Variants in COPG2 observed in about 807,000 individuals in gnomAD.
COPG2 encodes the protein coatomer subunit gamma-2.
COPG2 carries 37 observed loss-of-function variants against 46.3 expected under a neutral mutation model. The observed-to-expected ratio is 0.80, with a 90% CI of 0.61 to 1.05. The LOEUF (loss-of-function observed/expected upper bound fraction) is 1.05. Among genes scored for constraint, COPG2 ranks in the 50% least tolerant of loss-of-function variants. COPG2 has a pLI of 0.00. For synonymous variants in COPG2, 159 were observed against 129.7 expected (o/e 1.23, Z -1.53); for missense variants, 427 against 387.8 (o/e 1.10, Z -0.85).
At chr7:130,648,954 C>CT (rs1380383523) in intron 5 of COPG2, among the ~76,000 whole-genome samples, 1 of 152,184 alleles carries the variant, frequency 6.6e-6, no homozygotes, top group Non-Finnish European at 1.5e-5. Flanking sequence ...TTTGCCTCCT[C>CT]TTTGAGTCTT....
chr7:130,667,858 A>G (rs1295471420), intron 1 of COPG2, among the ~76,000 whole-genome samples: 3 of 152,100 alleles, frequency 2.0e-5, no homozygotes, highest in African/African-American at 7.2e-5. Flanking sequence ...GGTGCTTTTG[A>G]TTTCCTTAGG....
In COPG2 at chr7:130,585,912, A is replaced by T. The variant is rs570416682; in HGVS notation, c.738-21519T>A. Among the ~76,000 whole-genome samples, 5 of 152,216 alleles carry T rather than the reference A, an allele frequency of 3.3e-5. No individual in the cohort carries two copies. In the South Asian group the frequency reaches 1.0e-3, roughly 32 times the overall value. ...ACCACTATAGAAAAACAGTGTGGAG[A>T]TTCCTTAAAGAACTAAAAGTAGAAC... is the stretch of plus-strand genomic sequence containing the variant. On this transcript the variant is annotated intron_variant, in intron 9 of 23. Coordinates refer to ENST00000425248, the MANE Select transcript of COPG2 (RefSeq NM_012133.6).
intron 20 of COPG2, among the ~76,000 whole-genome samples, chr7:130,532,022 C>T (rs1799831118): frequency 1.3e-5 from 2 of 152,178 alleles, no homozygotes; most frequent in Admixed American, 6.5e-5. Flanking sequence ...GATAGGCCGC[C>T]TTGGGGTCCT....
intron 12 of COPG2, among the ~76,000 whole-genome samples, chr7:130,556,385 A>G (rs1378624068): frequency 6.6e-6 from 1 of 152,140 alleles, no homozygotes; most frequent in Non-Finnish European, 1.5e-5. Context: ...GGTAGCAGGA[A>G]ACAGAGGGCA....
intron 5 of COPG2, among the ~76,000 whole-genome samples, chr7:130,638,079 C>T (rs868945875): frequency 6.6e-6 from 1 of 152,182 alleles, no homozygotes; most frequent in Non-Finnish European, 1.5e-5. Context: ...AGATTGCCGC[C>T]TGTTCCTTCC....
intron 5 of COPG2, among the ~76,000 whole-genome samples, chr7:130,649,882 C>A (rs1795703204): frequency 6.6e-6 from 1 of 152,174 alleles, no homozygotes; most frequent in Admixed American, 6.5e-5. Flanking sequence ...TCTTCTATTG[C>A]TGCTGTAACA....
At chr7:130,663,730 CTTTTTTTTTTTTTTTTT>C (rs71178602) in intron 3 of COPG2, among the ~76,000 whole-genome samples, 1 of 67,148 alleles carries the variant, frequency 1.5e-5, no homozygotes, top group Non-Finnish European at 2.6e-5. Context: ...CATTTCTTTT[CTTTTTTTTTTTTTTTTT>C]TTTTTTTTTG....
chr7:130,639,986 G>A (rs1378425382), intron 5 of COPG2, among the ~76,000 whole-genome samples: 1 of 152,072 alleles, frequency 6.6e-6, no homozygotes, highest in Non-Finnish European at 1.5e-5. Context: ...CCTTTTCTCA[G>A]TGGTAGGTTT....
chr7:130,633,610 T>C (rs1225168620), intron 5 of COPG2, among the ~76,000 whole-genome samples: 2 of 152,230 alleles, frequency 1.3e-5, no homozygotes, highest in African/African-American at 4.8e-5. Context: ...TGGTAGATTC[T>C]AGATATCAGC....
chr7:130,527,431 T>C (rs934921769), intron 20 of COPG2, among the ~76,000 whole-genome samples: 202 of 126,760 alleles, frequency 1.6e-3, no homozygotes, highest in African/African-American at 2.7e-3. Flanking sequence ...TCAAGGTGGC[T>C]GTCCACAGCA....
At chr7:130,513,303 AAAAAAATATATATATATATATATATAT>A (rs1159447178) in intron 20 of COPG2, among the ~76,000 whole-genome samples, 1 of 46,750 alleles carries the variant, frequency 2.1e-5, no homozygotes, top group African/African-American at 8.8e-5. Context: ...AAAAAAAAAA[AAAAAAATATATATATATATATATATAT>A]ATATATATAT....
In COPG2 at chr7:130,618,934, T is replaced by C. The variant is rs1794993416; in HGVS notation, c.324-1869A>G. ...CTTCCTTTCAGTAGTGTTTGCCTTA[T>C]ATGCTTTCACCCCTCCTTTTATATT... On this transcript the variant is annotated intron_variant, in intron 5 of 23. Transcript: ENST00000425248. Among the ~76,000 whole-genome samples the C allele has an allele frequency of 3.3e-5, 5 of 152,330 alleles. 1 individual carries two copies. The South Asian group carries it at 1.0e-3, about 32-fold the overall frequency.
intron 5 of COPG2, among the ~76,000 whole-genome samples, chr7:130,640,580 T>C (rs75739316): frequency 0.044 from 6,687 of 152,252 alleles, 260 homozygotes; most frequent in African/African-American, 0.1. Flanking sequence ...GAAGGAAGTT[T>C]TGAGACGTGG....
intron 9 of COPG2, among the ~76,000 whole-genome samples, chr7:130,609,234 C>T (rs1375799097): frequency 6.6e-6 from 1 of 152,046 alleles, no homozygotes; most frequent in Non-Finnish European, 1.5e-5. Context: ...GCCTGTGTCC[C>T]CACCCAAATC....
chr7:130,577,194 C>T (rs1413481931), intron 9 of COPG2, among the ~76,000 whole-genome samples: 4 of 152,204 alleles, frequency 2.6e-5, no homozygotes, highest in Admixed American at 2.0e-4. Flanking sequence ...GAACAGCTCC[C>T]GTCTACAGCT....
chr7:130,611,134 A>G (rs1554452033), intron 8 of COPG2, 24 bp from the exon 9 acceptor site: 3 of 1,596,888 alleles, frequency 1.9e-6, no homozygotes, highest in Non-Finnish European at 2.6e-6. Flanking sequence ...AAAAGAAGGT[A>G]GCACATGGAT....
At chr7:130,624,926 C>T (rs1478363636) in intron 5 of COPG2, among the ~76,000 whole-genome samples, 1 of 152,114 alleles carries the variant, frequency 6.6e-6, no homozygotes, top group African/African-American at 2.4e-5. Flanking sequence ...CGAGTAGATA[C>T]CCAGTAGTGG....
At chr7:130,554,973 AT>A in intron 13 of COPG2, 63 bp downstream of exon 13, 1 of 398,164 alleles carries the variant, frequency 2.5e-6, no homozygotes, top group Non-Finnish European at 4.4e-6. Context: ...ACACTATGGT[AT>A]TTCATGGCAA....
intron 20 of COPG2, among the ~76,000 whole-genome samples, chr7:130,516,005 T>C (rs1183805582): frequency 6.6e-6 from 1 of 152,000 alleles, no homozygotes; most frequent in East Asian, 1.9e-4. Flanking sequence ...GTCTGAACAG[T>C]GAGTGTTGAG....
Sources: gnomAD v4.1 joint callset for allele counts (sites outside exome capture counted in the v4.1 genomes callset) on GRCh38, gnomAD v4.1.1 for gene constraint, MANE v1.5 for transcripts, NCBI Gene and HGNC (gene_info 2026-07-23, HGNC 2026-07-21) for gene names.